Variants in TMEM178B observed in about 807,000 individuals in gnomAD.
TMEM178B encodes the protein transmembrane protein 178B.
Under a neutral mutation model 31.0 loss-of-function variants are expected in TMEM178B, and 5 were observed. That is an observed-to-expected ratio of 0.16 (90% CI 0.08 to 0.34). TMEM178B has a LOEUF of 0.34. Ranked by LOEUF, TMEM178B falls within the 10% of genes least tolerant of loss-of-function variation. The pLI, the probability that TMEM178B is intolerant of heterozygous loss-of-function variation, is 1.00. For synonymous variants in TMEM178B, 164 were observed against 164.0 expected (o/e 1.00, Z 0.00); for missense variants, 275 against 400.3 (o/e 0.69, Z 2.67).
At chr7:141,146,606 A>G (rs909665664) in intron 1 of TMEM178B, among the ~76,000 whole-genome samples, 1 of 152,244 alleles carries the variant, frequency 6.6e-6, no homozygotes, top group African/African-American at 2.4e-5. Flanking sequence ...AGTGTCTGCT[A>G]TATAACAACC....
intron 3 of TMEM178B, among the ~76,000 whole-genome samples, chr7:141,457,376 A>G (rs1801983978): frequency 6.6e-6 from 1 of 152,188 alleles, no homozygotes; most frequent in East Asian, 1.9e-4. Flanking sequence ...TATATATATA[A>G]TTTCCATAGG....
intron 2 of TMEM178B, among the ~76,000 whole-genome samples, chr7:141,370,137 GA>G (rs1800089554): frequency 6.6e-6 from 1 of 152,172 alleles, no homozygotes; most frequent in Non-Finnish European, 1.5e-5. Flanking sequence ...CTGGACCACA[GA>G]GAGGGAGAAG....
rs576205501 is a variant in TMEM178B at position 141,160,449 on chromosome 7, C to T, written c.383-52142C>T. Reference sequence around the variant, plus strand: ...ACTTGGTTTGGCAGGTCACTGCCTCCTCCTTGCCCCTCCTTCCCTCTGCCA... The same window carrying T: ...ACTTGGTTTGGCAGGTCACTGCCTCTTCCTTGCCCCTCCTTCCCTCTGCCA... On this transcript the variant is annotated intron_variant, in intron 1 of 3. Coordinates refer to ENST00000565468, the MANE Select transcript of TMEM178B (RefSeq NM_001195278.2). 2.0e-5 allele frequency among the ~76,000 whole-genome samples: 3 copies of T among 152,284 alleles called. No individual in the cohort carries two copies. The South Asian group carries it at 6.2e-4, about 32-fold the overall frequency.
intron 3 of TMEM178B, among the ~76,000 whole-genome samples, chr7:141,443,393 G>C (rs766305858): frequency 2.0e-5 from 3 of 152,162 alleles, no homozygotes; most frequent in Non-Finnish European, 4.4e-5. Flanking sequence ...TCTCGAGTCT[G>C]CATAGGCTCC....
chr7:141,297,394 G>A (rs11973607), intron 2 of TMEM178B, among the ~76,000 whole-genome samples: 59,045 of 151,894 alleles, frequency 0.39, 12,301 homozygotes, highest in Admixed American at 0.48. Context: ...TCTAGGGTAC[G>A]TGTGCACAAC....
intron 2 of TMEM178B, among the ~76,000 whole-genome samples, chr7:141,404,446 G>A (rs760248284): frequency 9.2e-5 from 14 of 152,180 alleles, no homozygotes; most frequent in Non-Finnish European, 1.8e-4. Context: ...ATCCTTCTTC[G>A]CCTCTGCCTC....
At chr7:141,215,782 C>CTTTCTT (rs1191924623) in intron 2 of TMEM178B, among the ~76,000 whole-genome samples, 3 of 41,298 alleles carry the variant, frequency 7.3e-5, no homozygotes, top group African/African-American at 3.9e-4. Flanking sequence ...ACTTTCCTTT[C>CTTTCTT]TTTCTTTCTT....
At chr7:141,245,211 G>A (rs867278775) in intron 2 of TMEM178B, among the ~76,000 whole-genome samples, 1,333 of 53,102 alleles carry the variant, frequency 0.025, 6 homozygotes, top group African/African-American at 0.071. Context: ...AAAAAAAAAA[G>A]AAGGATGCAC....
At chr7:141,175,842 T>C (rs1221962906) in intron 1 of TMEM178B, among the ~76,000 whole-genome samples, 1 of 152,232 alleles carries the variant, frequency 6.6e-6, no homozygotes, top group Non-Finnish European at 1.5e-5. Context: ...GCTTATCAGC[T>C]TAAGGAGATA....
intron 2 of TMEM178B, among the ~76,000 whole-genome samples, chr7:141,362,902 C>G (rs1271496709): frequency 6.6e-6 from 1 of 152,210 alleles, no homozygotes; most frequent in East Asian, 1.9e-4. Flanking sequence ...CAGCACACCT[C>G]TGGCTGGCCA....
At chr7:141,186,905 C>G (rs1388874161) in intron 1 of TMEM178B, among the ~76,000 whole-genome samples, 2 of 152,112 alleles carry the variant, frequency 1.3e-5, no homozygotes, top group Non-Finnish European at 2.9e-5. Flanking sequence ...GCCTGTTTCT[C>G]CTAGAGAAGC....
chr7:141,311,112 C>T (rs1261752732), intron 2 of TMEM178B, among the ~76,000 whole-genome samples: 1 of 152,120 alleles, frequency 6.6e-6, no homozygotes, highest in East Asian at 1.9e-4. Context: ...AACACATGGA[C>T]ACAGGGAAGG....
chr7:141,341,572 C>T (rs367899355), intron 2 of TMEM178B, among the ~76,000 whole-genome samples: 49 of 152,208 alleles, frequency 3.2e-4, no homozygotes, highest in Non-Finnish European at 6.2e-4. Context: ...TTCTAAACCA[C>T]GGACCGACCA....
Position 141,302,396 on chromosome 7 carries a change from A to G in TMEM178B, c.496+89692A>G, listed in dbSNP as rs576671386. Among the ~76,000 whole-genome samples the G allele has an allele frequency of 5.6e-4, 86 of 152,366 alleles. 2 individuals carry two copies. The South Asian group carries it at 0.017, about 30-fold the overall frequency. ...GTAGTCCACTTATATGAGTATGCAT[A>G]GTTATATGAGTAGTCAAATTGACTT... On this transcript the variant is annotated intron_variant, in intron 2 of 3. Transcript: ENST00000565468.
At chr7:141,203,796 C>T (rs1216699531) in intron 1 of TMEM178B, among the ~76,000 whole-genome samples, 2 of 152,092 alleles carry the variant, frequency 1.3e-5, no homozygotes, top group Admixed American at 6.5e-5. Flanking sequence ...TGAGATAATA[C>T]GGGAGCCTCT....
chr7:141,169,766 A>G (rs1796318912), intron 1 of TMEM178B, among the ~76,000 whole-genome samples: 2 of 152,172 alleles, frequency 1.3e-5, no homozygotes, highest in Non-Finnish European at 2.9e-5. Flanking sequence ...TTCTAGCACA[A>G]TTTTCCACGT....
At chr7:141,378,955 A>T (rs1452902050) in intron 2 of TMEM178B, among the ~76,000 whole-genome samples, 1 of 152,192 alleles carries the variant, frequency 6.6e-6, no homozygotes, top group Non-Finnish European at 1.5e-5. Context: ...GTTATGTGAC[A>T]TAACAGCAGT....
intron 2 of TMEM178B, among the ~76,000 whole-genome samples, chr7:141,424,118 C>T (rs977518085): frequency 6.6e-6 from 1 of 152,068 alleles, no homozygotes; most frequent in African/African-American, 2.4e-5. Flanking sequence ...ACATGCCTGA[C>T]CTCAACATTT....
chr7:141,275,464 T>A (rs1349663421), intron 2 of TMEM178B, among the ~76,000 whole-genome samples: 1 of 152,170 alleles, frequency 6.6e-6, no homozygotes, highest in Non-Finnish European at 1.5e-5. Flanking sequence ...GAGCTTCAGA[T>A]GAAAGGGCAC....
Sources: gnomAD v4.1 joint callset for allele counts (sites outside exome capture counted in the v4.1 genomes callset) on GRCh38, gnomAD v4.1.1 for gene constraint, MANE v1.5 for transcripts, NCBI Gene and HGNC (gene_info 2026-07-23, HGNC 2026-07-21) for gene names.